CNTNAP2: variants seen among roughly 807,000 people sequenced by gnomAD.
The protein encoded by CNTNAP2 is contactin associated protein 2, also known as contactin-associated protein-like 2.
Under a neutral mutation model 155.2 loss-of-function variants are expected in CNTNAP2, and 98 were observed. That is an observed-to-expected ratio of 0.63 (90% CI 0.54 to 0.75). The LOEUF (loss-of-function observed/expected upper bound fraction) is 0.75. Ranked by LOEUF, CNTNAP2 falls within the 30% of genes least tolerant of loss-of-function variation. The probability of loss-of-function intolerance (pLI) is 0.00; values close to 1 mark genes in which losing one functional copy is unlikely to be tolerated. For synonymous variants in CNTNAP2, 651 were observed against 631.2 expected (o/e 1.03, Z -0.47); for missense variants, 1,727 against 1,688.1 (o/e 1.02, Z -0.40).
chr7:147,223,204 C>A (rs1051813074), intron 8 of CNTNAP2, among the ~76,000 whole-genome samples: 1 of 152,132 alleles, frequency 6.6e-6, no homozygotes, highest in African/African-American at 2.4e-5. Context: ...AGTTTCTATA[C>A]CCAACCTGTG....
At chr7:146,455,641 G>C (rs1796544641) in intron 1 of CNTNAP2, among the ~76,000 whole-genome samples, 1 of 152,144 alleles carries the variant, frequency 6.6e-6, no homozygotes, top group African/African-American at 2.4e-5. Context: ...TATGTTGAAA[G>C]GGAGAAACCA....
intron 1 of CNTNAP2, among the ~76,000 whole-genome samples, chr7:146,506,736 G>A (rs1797390415): frequency 6.6e-6 from 1 of 152,214 alleles, no homozygotes; most frequent in Non-Finnish European, 1.5e-5. Context: ...TACCATAGGT[G>A]TCTCCTCCTT....
intron 3 of CNTNAP2, among the ~76,000 whole-genome samples, chr7:146,874,564 C>T (rs1456353646): frequency 6.6e-6 from 1 of 152,128 alleles, no homozygotes; most frequent in Non-Finnish European, 1.5e-5. Flanking sequence ...TTCTTGAACT[C>T]CTGACCTCAG....
intron 15 of CNTNAP2, chr7:148,013,228 G>A (rs772345900): frequency 6.6e-6 from 1 of 152,206 alleles, no homozygotes; most frequent in Non-Finnish European, 1.5e-5. Context: ...CAGTGTGTTG[G>A]TTTCAAGGAC....
At chr7:147,826,211 G>T (rs1032687062) in intron 13 of CNTNAP2, among the ~76,000 whole-genome samples, 1 of 152,246 alleles carries the variant, frequency 6.6e-6, no homozygotes. Flanking sequence ...TTTTAACAGT[G>T]ATAGGGAAAA....
chr7:147,819,181 C>A (rs1313555582), intron 13 of CNTNAP2, among the ~76,000 whole-genome samples: 1 of 152,126 alleles, frequency 6.6e-6, no homozygotes, highest in Non-Finnish European at 1.5e-5. Context: ...AAGGCATAAA[C>A]CTCGTTAGTG....
chr7:147,702,193 G>C (rs189354822), intron 13 of CNTNAP2, among the ~76,000 whole-genome samples: 3 of 151,684 alleles, frequency 2.0e-5, no homozygotes, highest in Non-Finnish European at 4.4e-5. Flanking sequence ...TCTCTCGTCG[G>C]ATCCACCTCT....
At chr7:147,495,495 A>G (rs1257940848) in intron 11 of CNTNAP2, among the ~76,000 whole-genome samples, 1 of 152,198 alleles carries the variant, frequency 6.6e-6, no homozygotes, top group African/African-American at 2.4e-5. Context: ...AACAAGAATA[A>G]TAGTATGTGC....
chr7:147,096,485 C>CT (rs1381451638), intron 4 of CNTNAP2, among the ~76,000 whole-genome samples: 1 of 152,124 alleles, frequency 6.6e-6, no homozygotes, highest in Non-Finnish European at 1.5e-5. Flanking sequence ...ATTAGAATCT[C>CT]TTTTTGGTTG....
At chr7:146,690,762 A>G (rs191394640) in intron 1 of CNTNAP2, among the ~76,000 whole-genome samples, 60 of 152,290 alleles carry the variant, frequency 3.9e-4, no homozygotes, top group African/African-American at 1.4e-3. Flanking sequence ...TTTTGAAAGA[A>G]AAAAGCCTTT....
intron 13 of CNTNAP2, among the ~76,000 whole-genome samples, chr7:147,779,230 C>T (rs1451694760): frequency 6.6e-6 from 1 of 152,190 alleles, no homozygotes; most frequent in African/African-American, 2.4e-5. Flanking sequence ...GTTGGTGCTG[C>T]TAAGCGCATC....
chr7:146,280,552 A>G (rs941650279), intron 1 of CNTNAP2, among the ~76,000 whole-genome samples: 1 of 152,124 alleles, frequency 6.6e-6, no homozygotes, highest in African/African-American at 2.4e-5. Flanking sequence ...AGGTACTAGT[A>G]ATGAACCCTC....
intron 2 of CNTNAP2, among the ~76,000 whole-genome samples, chr7:146,834,616 A>G (rs527385189): frequency 2.0e-5 from 3 of 152,306 alleles, no homozygotes; most frequent in South Asian, 4.1e-4. Context: ...CATAACAAGT[A>G]TACATCTTTC....
chr7:146,927,350 T>C (rs1267481295), intron 3 of CNTNAP2, among the ~76,000 whole-genome samples: 1 of 152,144 alleles, frequency 6.6e-6, no homozygotes, highest in African/African-American at 2.4e-5. Context: ...CATGTGGCAA[T>C]TTATCATTGA....
chr7:147,309,592 T>C (rs549864977), intron 9 of CNTNAP2, among the ~76,000 whole-genome samples: 1 of 152,238 alleles, frequency 6.6e-6, no homozygotes, highest in South Asian at 2.1e-4. Context: ...CCTCCCCTAA[T>C]TGTAGTGAGT....
At chr7:147,590,376 TC>T (rs1800714741) in intron 12 of CNTNAP2, among the ~76,000 whole-genome samples, 1 of 152,088 alleles carries the variant, frequency 6.6e-6, no homozygotes, top group South Asian at 2.1e-4. Context: ...GGGGGCAGTT[TC>T]CCCCATGCTG....
intron 1 of CNTNAP2, among the ~76,000 whole-genome samples, chr7:146,376,891 A>C (rs1795311496): frequency 6.6e-6 from 1 of 152,106 alleles, no homozygotes; most frequent in Non-Finnish European, 1.5e-5. Context: ...AGGATATAGC[A>C]TTAGTCCCCT....
chr7:147,924,992 G>A (rs1800359150), intron 14 of CNTNAP2, among the ~76,000 whole-genome samples: 1 of 151,966 alleles, frequency 6.6e-6, no homozygotes, highest in Non-Finnish European at 1.5e-5. Flanking sequence ...AGAGGCACGA[G>A]CCTGTAGTCC....
intron 19 of CNTNAP2, among the ~76,000 whole-genome samples, chr7:148,220,410 A>G (rs754321356): frequency 6.6e-6 from 1 of 152,198 alleles, no homozygotes; most frequent in Non-Finnish European, 1.5e-5. Flanking sequence ...CCAACATCAT[A>G]ATGTTAACTA....
Sources: gnomAD v4.1 joint callset for allele counts (sites outside exome capture counted in the v4.1 genomes callset) on GRCh38, gnomAD v4.1.1 for gene constraint, MANE v1.5 for transcripts, NCBI Gene and HGNC (gene_info 2026-07-23, HGNC 2026-07-21) for gene names.